Variants in MGAT4C observed in about 807,000 individuals in gnomAD.
MGAT4C encodes the protein MGAT4 family member C.
In MGAT4C, 19 loss-of-function variants were observed where a neutral mutation model predicts 40.1. The ratio of observed to expected loss-of-function variants is 0.47; its 90% CI spans 0.33 to 0.70. The LOEUF is 0.70. MGAT4C is among the 30% of genes least tolerant of loss of function. The pLI is 0.02. For missense variants in MGAT4C, 491 were observed against 563.2 expected, an observed-to-expected ratio of 0.87 and a Z score of 1.30; for synonymous variants, 181 against 187.1, an observed-to-expected ratio of 0.97 and a Z score of 0.27.
At chr12:86,611,620 C>T (rs1032902727) in intron 2 of MGAT4C, among the ~76,000 whole-genome samples, 2 of 152,106 alleles carry the variant, frequency 1.3e-5, no homozygotes, top group Non-Finnish European at 1.5e-5. Flanking sequence ...CTTATCTCCT[C>T]GCATCTCAGT....
chr12:86,348,772 T>G (rs2136190135), intron 3 of MGAT4C, among the ~76,000 whole-genome samples: 1 of 152,304 alleles, frequency 6.6e-6, no homozygotes, highest in East Asian at 1.9e-4. Context: ...ATTCGTGATG[T>G]TTGGTATATT....
chr12:86,223,682 C>T (rs1950966847), intron 1 of MGAT4C, among the ~76,000 whole-genome samples: 1 of 152,194 alleles, frequency 6.6e-6, no homozygotes, highest in Non-Finnish European at 1.5e-5. Context: ...GTCCTGTTCA[C>T]TTTGTAATGA....
intron 3 of MGAT4C, among the ~76,000 whole-genome samples, chr12:86,401,352 C>A (rs981045053): frequency 1.3e-5 from 2 of 150,520 alleles, no homozygotes; most frequent in African/African-American, 4.9e-5. Flanking sequence ...TTTATAAAGC[C>A]CCTATTAAGT....
intron 2 of MGAT4C, among the ~76,000 whole-genome samples, chr12:86,630,858 G>C (rs530611565): frequency 1.3e-5 from 2 of 152,044 alleles, no homozygotes; most frequent in Admixed American, 6.6e-5. Context: ...CAGGGATGCC[G>C]TCTTTCACCA....
At chr12:86,062,787 A>G (rs781547192) in intron 1 of MGAT4C, among the ~76,000 whole-genome samples, 17 of 152,004 alleles carry the variant, frequency 1.1e-4, no homozygotes, top group Non-Finnish European at 2.4e-4. Flanking sequence ...ATTGAAGATC[A>G]ACTCAATAAA....
intron 2 of MGAT4C, among the ~76,000 whole-genome samples, chr12:86,702,245 T>C (rs1441410156): frequency 6.6e-6 from 1 of 151,468 alleles, no homozygotes; most frequent in Non-Finnish European, 1.5e-5. Context: ...TATTACTATG[T>C]TGTTGCCCAG....
intron 2 of MGAT4C, among the ~76,000 whole-genome samples, chr12:86,718,997 A>T (rs1950695360): frequency 6.6e-6 from 1 of 152,190 alleles, no homozygotes; most frequent in Admixed American, 6.5e-5. Context: ...GTCCTCAAAA[A>T]GACTGGCACA....
intron 2 of MGAT4C, among the ~76,000 whole-genome samples, chr12:86,476,945 G>T (rs78704009): frequency 6.6e-6 from 1 of 151,928 alleles, no homozygotes; most frequent in Admixed American, 6.6e-5. Flanking sequence ...ATGATGAAGC[G>T]GGGCATGGAC....
At chr12:86,091,941 C>T (rs970495714) in intron 1 of MGAT4C, among the ~76,000 whole-genome samples, 1 of 152,070 alleles carries the variant, frequency 6.6e-6, no homozygotes, top group African/African-American at 2.4e-5. Context: ...CTAAGGCATG[C>T]TTTCTAGTAT....
chr12:86,134,790 C>T lies in MGAT4C; in HGVS notation c.-56-85067G>A, dbSNP rs946179468. Among the ~76,000 whole-genome samples, 5 of 151,972 alleles carry T rather than the reference C, an allele frequency of 3.3e-5. No homozygotes were observed. In the East Asian group the frequency reaches 5.8e-4, roughly 18 times the overall value. On this transcript the variant is annotated intron_variant, in intron 1 of 4. Transcript: ENST00000611864. ...GACTAATGCATTCAAAGAAGAGTGC[C>T]GATCTCTAAGGCTGGGATGATGAAC...
chr12:86,801,338 A>G (rs1005296015), intron 1 of MGAT4C, among the ~76,000 whole-genome samples: 12 of 151,872 alleles, frequency 7.9e-5, no homozygotes. Flanking sequence ...GAATATCGAG[A>G]GCGTGTTGAG....
Position 86,497,977 on chromosome 12 carries a change from T to C in MGAT4C, c.-228-62712A>G, listed in dbSNP as rs571937802. Reference sequence around the variant, plus strand: ...AAATATATATTATAAATATATATTATATATATAATCTTTATATATTATATT... The same window carrying C: ...AAATATATATTATAAATATATATTACATATATAATCTTTATATATTATATT... On this transcript the variant is annotated intron_variant, in intron 2 of 7. Coordinates refer to the MGAT4C transcript ENST00000548651. Among the ~76,000 whole-genome samples, 460 of 145,562 alleles carry C rather than the reference T, an allele frequency of 3.2e-3. 2 individuals carry two copies. Among genetic ancestry groups the C allele is most frequent in the African/African-American group, 0.011 (448 of 40,186 alleles).
chr12:86,499,281 G>GTA (rs1345423580), intron 2 of MGAT4C, among the ~76,000 whole-genome samples: 3 of 151,112 alleles, frequency 2.0e-5, no homozygotes, highest in African/African-American at 7.3e-5. Context: ...GTGTGTGTAT[G>GTA]TATATATATA....
intron 1 of MGAT4C, among the ~76,000 whole-genome samples, chr12:86,799,235 T>C (rs1952183027): frequency 6.6e-6 from 1 of 151,836 alleles, no homozygotes. Flanking sequence ...CAGTGGTTTC[T>C]GCTTGTTATA....
In MGAT4C at chr12:86,504,732, G is replaced by A. The variant is rs868155372; in HGVS notation, c.-228-69467C>T. On this transcript the variant is annotated intron_variant, in intron 2 of 7. Transcript: ENST00000548651. ...GACAGCATCTCACACTGTCGCCTAG[G>A]CTAGAGTGCAGTGGCATGATCTCAG... Among the ~76,000 whole-genome samples, 42 of 152,116 alleles carry A rather than the reference G, an allele frequency of 2.8e-4. No individual in the cohort carries two copies. The Middle Eastern group carries it at 0.01, about 37-fold the overall frequency.
At chr12:86,354,492 A>G (rs996454521) in intron 3 of MGAT4C, among the ~76,000 whole-genome samples, 3 of 152,204 alleles carry the variant, frequency 2.0e-5, no homozygotes, top group Admixed American at 6.5e-5. Context: ...ATGAAGGCAA[A>G]AGCCCTTGAA....
intron 1 of MGAT4C, among the ~76,000 whole-genome samples, chr12:86,194,806 A>G (rs556808352): frequency 6.6e-6 from 1 of 152,240 alleles, no homozygotes; most frequent in African/African-American, 2.4e-5. Flanking sequence ...GATTGATTCA[A>G]AGTTGGATTT....
intron 3 of MGAT4C, among the ~76,000 whole-genome samples, chr12:86,345,493 T>G (rs1955009867): frequency 6.6e-6 from 1 of 152,034 alleles, no homozygotes; most frequent in Admixed American, 6.6e-5. Context: ...TTCTCTTTGT[T>G]CAATTCCCAC....
chr12:86,557,223 A>G (rs1959653287), intron 2 of MGAT4C, among the ~76,000 whole-genome samples: 1 of 152,218 alleles, frequency 6.6e-6, no homozygotes, highest in South Asian at 2.1e-4. Context: ...TGTATCTAAA[A>G]GCAGCAGAGT....
Sources: allele counts gnomAD v4.1 joint callset (sites outside exome capture counted in the v4.1 genomes callset), GRCh38; gene constraint gnomAD v4.1.1; transcripts MANE v1.5; gene names NCBI Gene and HGNC (gene_info 2026-07-23, HGNC 2026-07-21).